Variants in SLC1A6 observed in about 807,000 individuals in gnomAD.
The protein encoded by SLC1A6 is solute carrier family 1 member 6, also known as excitatory amino acid transporter 4.
Under a neutral mutation model 42.1 loss-of-function variants are expected in SLC1A6, and 15 were observed. The ratio of observed to expected loss-of-function variants is 0.36; its 90% CI spans 0.24 to 0.55. The LOEUF (loss-of-function observed/expected upper bound fraction) is 0.55. Ranked by LOEUF, SLC1A6 falls within the 20% of genes least tolerant of loss-of-function variation. SLC1A6 has a pLI of 0.88. For missense variants in SLC1A6, 542 were observed against 772.5 expected (o/e 0.70, Z 3.54); for synonymous variants, 317 against 319.7 (o/e 0.99, Z 0.09).
intron 1 of SLC1A6, among the ~76,000 whole-genome samples, chr19:15,010,154 C>T (rs538004089): frequency 1.4e-5 from 2 of 147,214 alleles, no homozygotes; most frequent in Admixed American, 6.8e-5. Flanking sequence ...CCACTGCACT[C>T]CAGCCCAGAC....
chr19:15,004,939 C>T lies in SLC1A6; in HGVS notation c.6+5546G>A, dbSNP rs374637720. 7.2e-5 allele frequency among the ~76,000 whole-genome samples: 11 copies of T among 152,264 alleles called. No individual in the cohort carries two copies. In the East Asian group the frequency reaches 1.9e-3, roughly 27 times the overall value. On this transcript the variant is annotated intron_variant, in intron 1 of 8. Coordinates refer to the SLC1A6 transcript ENST00000430939. The stretch of plus-strand genomic sequence containing the variant: ...AGGTGAATCACTTGGAAAATGAGAG[C>T]TAATCCCAGCCCAGCAATGAATGGT...
At chr19:14,960,595 G>T (rs1158969228) in intron 6 of SLC1A6, among the ~76,000 whole-genome samples, 1 of 152,238 alleles carries the variant, frequency 6.6e-6, no homozygotes, top group African/African-American at 2.4e-5. Flanking sequence ...ATGCATAGGA[G>T]ATGAATAAAT....
chr19:15,008,646 T>C (rs1221826455), intron 1 of SLC1A6, among the ~76,000 whole-genome samples: 1 of 152,140 alleles, frequency 6.6e-6, no homozygotes, highest in African/African-American at 2.4e-5. Flanking sequence ...AGCAAAGTTA[T>C]GGAATCAACT....
At chr19:14,956,739 G>T in intron 6 of SLC1A6, 30 bp from the exon 7 acceptor site, 3 of 1,476,474 alleles carry the variant, frequency 2.0e-6, no homozygotes, top group African/African-American at 1.4e-5. Flanking sequence ...ACCTGTCAGG[G>T]CTCCCTCCTG....
intron 1 of SLC1A6, among the ~76,000 whole-genome samples, chr19:15,002,720 CAG>C (rs913255878): frequency 6.6e-6 from 1 of 152,080 alleles, no homozygotes; most frequent in Non-Finnish European, 1.5e-5. Flanking sequence ...GTAAAGAACA[CAG>C]AGTAGAGGTG....
intron 2 of SLC1A6, among the ~76,000 whole-genome samples, chr19:14,972,455 T>A (rs2045652157): frequency 1.3e-5 from 2 of 152,246 alleles, no homozygotes; most frequent in Admixed American, 1.3e-4. Context: ...ATTGTATATG[T>A]ATATATGTGA....
intron 1 of SLC1A6, 113 bp from the exon 2 acceptor site, chr19:14,973,030 C>T (rs1054734570): frequency 6.7e-5 from 55 of 819,728 alleles, no homozygotes; most frequent in Non-Finnish European, 2.1e-5. Context: ...TCTCAGAAGG[C>T]GGGGGTGGCT....
intron 6 of SLC1A6, 87 bp downstream of exon 6, chr19:14,961,915 G>A: frequency 6.0e-6 from 9 of 1,507,766 alleles, no homozygotes. Flanking sequence ...ATGACCAAAA[G>A]TCCCCAGCAA....
rs2045753081 is a variant in SLC1A6 at position 14,979,731 on chromosome 19, G to A, written c.-430C>T. ...CCGGGCCGGCCCTGCGCTCACGTGGGTGTGGGGGCACCGAGCGGCCGGGGG... is the reference window on the plus strand; with the variant it reads ...CCGGGCCGGCCCTGCGCTCACGTGGATGTGGGGGCACCGAGCGGCCGGGGG... On this transcript the variant is annotated 5_prime_UTR_variant, in exon 1 of 10. Coordinates refer to ENST00000594383, the MANE Select transcript of SLC1A6 (RefSeq NM_005071.3). The surrounding 1 kb of genome is among the most constrained non-coding windows in gnomAD (Gnocchi z 4.2). 1 of 152,176 alleles carries A rather than the reference G, an allele frequency of 6.6e-6. No individual in the cohort carries two copies. The highest frequency in any genetic ancestry group is 2.4e-5 in the African/African-American group (1 of 41,412). The allele number at this position is 152,176 out of a possible 1,614,324, so 9.4% of individuals were successfully genotyped here.
chr19:14,981,146 A>C (rs1251804152), upstream of SLC1A6, among the ~76,000 whole-genome samples: 1 of 151,880 alleles, frequency 6.6e-6, no homozygotes, highest in Non-Finnish European at 1.5e-5. Flanking sequence ...AAAAAAAATC[A>C]AAAAATTAGC....
rs78426630 is a variant in SLC1A6 at position 14,971,976 on chromosome 19, G to C, written c.206-102C>G. 5.4e-6 allele frequency: 6 copies of C among 1,110,106 alleles called. No homozygotes were observed. In the Admixed American group the frequency reaches 1.2e-4, roughly 23 times the overall value. The allele number at this position is 1,110,106 out of a possible 1,614,324, so 68.8% of individuals were successfully genotyped here. On this transcript the variant is annotated intron_variant, in intron 2 of 9. Transcript: ENST00000594383. ...GGGTAGGGCAAGGGTGGGAGTGAGG[G>C]AGAGAAATATCCTATGAGTGTGTGT...
At chr19:14,990,116 TC>T (rs1393806180) in intron 1 of SLC1A6, among the ~76,000 whole-genome samples, 1 of 106,896 alleles carries the variant, frequency 9.4e-6, no homozygotes, top group Non-Finnish European at 2.1e-5. Flanking sequence ...CAAAGAGATA[TC>T]TGCACCCCCA....
Position 14,954,053 on chromosome 19 carries a change from CT to C in SLC1A6, c.1364+81del, listed in dbSNP as rs577034570. ...TCCTCTGAGCTCCAGCTGAGGCCCC[CT>C]CCTCCCTCCCCAACCCTCCCAGCCA... is the stretch of plus-strand genomic sequence containing the variant. On this transcript the variant is annotated intron_variant, in intron 8 of 9. Coordinates refer to ENST00000594383, the MANE Select transcript of SLC1A6 (RefSeq NM_005071.3). 69 of 1,083,666 alleles carry C rather than the reference CT, an allele frequency of 6.4e-5. No individual in the cohort carries two copies. The East Asian group carries it at 1.3e-3, about 21-fold the overall frequency. 67.1% of individuals were successfully genotyped at this position (1,083,666 alleles called of 1,614,324 possible).
chr19:14,965,717 G>A (rs1383062440), intron 4 of SLC1A6, among the ~76,000 whole-genome samples: 1 of 152,044 alleles, frequency 6.6e-6, no homozygotes, highest in Non-Finnish European at 1.5e-5. Context: ...GGGCATGGTG[G>A]CAGGCACCTC....
intron 1 of SLC1A6, among the ~76,000 whole-genome samples, chr19:14,997,172 G>T (rs2045851465): frequency 6.6e-6 from 1 of 152,128 alleles, no homozygotes; most frequent in African/African-American, 2.4e-5. Context: ...ATGCATATCT[G>T]CTTGCCTCCT....
intron 1 of SLC1A6, among the ~76,000 whole-genome samples, chr19:14,994,624 C>T (rs910321384): frequency 1.3e-5 from 2 of 152,154 alleles, no homozygotes; most frequent in African/African-American, 4.8e-5. Context: ...GGCTGCCTGC[C>T]TTGGAGAATC....
intron 1 of SLC1A6, chr19:14,977,005 C>G (rs1378374757): frequency 1.3e-5 from 2 of 148,714 alleles, no homozygotes; most frequent in Non-Finnish European, 3.0e-5. Flanking sequence ...GGACCCATCT[C>G]CTGAAACCAC....
chr19:14,954,056 C>CA, intron 8 of SLC1A6, 79 bp downstream of exon 8: 2 of 1,129,816 alleles, frequency 1.8e-6, no homozygotes, highest in Non-Finnish European at 2.6e-6. Context: ...AGGCCCCCTC[C>CA]TCCCTCCCCA....
chr19:14,994,137 A>C (rs1415386830), intron 1 of SLC1A6, among the ~76,000 whole-genome samples: 1 of 152,102 alleles, frequency 6.6e-6, no homozygotes, highest in Non-Finnish European at 1.5e-5. Context: ...GATGTTCTCC[A>C]TCTGTCCTCC....
Sources: allele counts gnomAD v4.1 joint callset (sites outside exome capture counted in the v4.1 genomes callset), GRCh38; gene constraint gnomAD v4.1.1; non-coding constraint Gnocchi (gnomAD v3.1); transcripts MANE v1.5; gene names NCBI Gene and HGNC (gene_info 2026-07-23, HGNC 2026-07-21).